The following GORASP1 variants were observed in gnomAD, a reference collection of about 807,000 sequenced individuals.
GORASP1 encodes golgi reassembly stacking protein 1, also known as Golgi reassembly-stacking protein 1.
GORASP1 carries 31 observed loss-of-function variants against 37.7 expected under a neutral mutation model. The observed-to-expected ratio is 0.82, with a 90% CI of 0.62 to 1.11. The LOEUF is 1.11. GORASP1 is among the 50% of genes least tolerant of loss of function. The probability of loss-of-function intolerance (pLI) is 0.00; values close to 1 mark genes in which losing one functional copy is unlikely to be tolerated. For synonymous variants in GORASP1, 204 were observed against 224.8 expected (o/e 0.91, Z 0.83); for missense variants, 476 against 560.7 (o/e 0.85, Z 1.53).
Position 39,100,983 on chromosome 3 carries a change from G to A in GORASP1, c.435+33C>T. The A allele has an allele frequency of 6.2e-7, 1 of 1,613,640 alleles. No homozygotes were observed. Among genetic ancestry groups the A allele is most frequent in the Non-Finnish European group, 8.5e-7 (1 of 1,179,508 alleles). On this transcript the variant is annotated intron_variant, in intron 4 of 8. Coordinates refer to ENST00000319283, the MANE Select transcript of GORASP1 (RefSeq NM_031899.4). The surrounding 1 kb of genome is among the most constrained non-coding windows in gnomAD (Gnocchi z 4.6). ...CCTTCTCTTCACACCACATCCAGAG[G>A]GTCTGGGGAGGGGCAAATTGCGGGT...
At chr3:39,101,263 C>G (rs1016376587) in intron 3 of GORASP1, 161 bp from the exon 4 acceptor site, 1 of 661,682 alleles carries the variant, frequency 1.5e-6, no homozygotes, top group African/African-American at 1.8e-5. Flanking sequence ...CCCCTCCATT[C>G]CCCTATCTCC....
At position 39,101,073 on chromosome 3, in the gene GORASP1, A is replaced by C. The variant is rs760142592; in HGVS notation, c.378T>G (p.Leu126=). 1 of 1,614,138 alleles carries C rather than the reference A, an allele frequency of 6.2e-7. No homozygotes were observed. Among genetic ancestry groups the C allele is most frequent in the Non-Finnish European group, 8.5e-7 (1 of 1,179,978 alleles). ...AGTCTGTGTAGGGGCGCAGGCCGGC[A>C]AGGGCAGCAGGTGAAGATGGTTCCA... ...LDVEPSSPAA[L]AGLRPYTDYV... The change falls in exon 4 of 9, where the codon CTT becomes CTG. Residue 126 remains leucine (L), a synonymous_variant. Coordinates refer to ENST00000319283, the MANE Select transcript of GORASP1 (RefSeq NM_031899.4).
In GORASP1 at chr3:39,100,268, T is replaced by C. The variant is rs1559642924; in HGVS notation, c.765+37A>G. 8.2e-6 allele frequency: 13 copies of C among 1,594,748 alleles called. No individual in the cohort carries two copies. The highest frequency in any genetic ancestry group is 9.5e-6 in the Non-Finnish European group (11 of 1,162,618). Reference sequence around the variant, plus strand: ...GCTCCCCAAGGGCAGCCTCTAGAGTTTTCTGTCTTCCCAGTTGGCAGATTC... The same window carrying C: ...GCTCCCCAAGGGCAGCCTCTAGAGTCTTCTGTCTTCCCAGTTGGCAGATTC... On this transcript the variant is annotated intron_variant, in intron 6 of 8. Transcript: ENST00000319283. This position sits in a 1 kb window ranked among gnomAD's most constrained non-coding sequence, Gnocchi z 4.6.
In GORASP1 at chr3:39,100,897, C is replaced by T; in HGVS notation, c.436-20G>A. 1 of 1,614,142 alleles carries T rather than the reference C, an allele frequency of 6.2e-7. No homozygotes were observed. Among genetic ancestry groups the T allele is most frequent in the South Asian group, 1.1e-5 (1 of 91,088 alleles). ...CTCGGACTGTGAGAAACGCATAGCACCTGAGGCCTGCTTCCAGGGCTAAAG... is the reference window on the plus strand; with the variant it reads ...CTCGGACTGTGAGAAACGCATAGCATCTGAGGCCTGCTTCCAGGGCTAAAG... On this transcript the variant is annotated intron_variant, in intron 4 of 8. Coordinates refer to ENST00000319283, the MANE Select transcript of GORASP1 (RefSeq NM_031899.4). This position sits in a 1 kb window ranked among gnomAD's most constrained non-coding sequence, Gnocchi z 4.6.
chr3:39,102,891 C>T lies in GORASP1; in HGVS notation c.145-10G>A, dbSNP rs2035810406. On this transcript the variant is annotated splice_polypyrimidine_tract_variant and intron_variant, in intron 2 of 8. Coordinates refer to ENST00000319283, the MANE Select transcript of GORASP1 (RefSeq NM_031899.4). This position sits in a 1 kb window ranked among gnomAD's most constrained non-coding sequence, Gnocchi z 5.0. The stretch of plus-strand genomic sequence containing the variant: ...TGTCATTCTCCTTGTTCTGTGGGGG[C>T]AATGGGGCTGACTCCAAGGCCACCT... The T allele has an allele frequency of 6.2e-7, 1 of 1,613,910 alleles. No individual in the cohort carries two copies. The highest frequency in any genetic ancestry group is 8.5e-7 in the Non-Finnish European group (1 of 1,179,770).
rs1355941411 is a variant in GORASP1 at position 39,105,753 on chromosome 3, A to C, written c.63+1726T>G. On this transcript the variant is annotated intron_variant, in intron 1 of 8. Coordinates refer to ENST00000319283, the MANE Select transcript of GORASP1 (RefSeq NM_031899.4). This position sits in a 1 kb window ranked among gnomAD's most constrained non-coding sequence, Gnocchi z 5.4. ...AAACCTCCTGATGGTTTTACATCTC[A>C]GAATAAAATCTTAAATCTTCAGGAC... Among the ~76,000 whole-genome samples the C allele has an allele frequency of 6.6e-6, 1 of 152,200 alleles. No homozygotes were observed. Among genetic ancestry groups the C allele is most frequent in the Non-Finnish European group, 1.5e-5 (1 of 68,040 alleles).
chr3:39,098,592 G>A lies in GORASP1; in HGVS notation c.1070-103C>T. On this transcript the variant is annotated intron_variant, in intron 8 of 8. Transcript: ENST00000319283. This position sits in a 1 kb window ranked among gnomAD's most constrained non-coding sequence, Gnocchi z 4.7. ...CGCTCCCCATTGCCACTCCAGGTTT[G>A]ATGGGGGATTGGAGATGGAGTGTAC... The A allele has an allele frequency of 6.6e-7, 1 of 1,505,464 alleles. No individual in the cohort carries two copies. 93.3% of individuals were successfully genotyped at this position (1,505,464 alleles called of 1,614,324 possible).
Position 39,102,731 on chromosome 3 carries a change from T to C in GORASP1, c.295A>G (p.Ser99Gly). 1 of 1,614,214 alleles carries C rather than the reference T, an allele frequency of 6.2e-7. No homozygotes were observed. The highest frequency in any genetic ancestry group is 8.5e-7 in the Non-Finnish European group (1 of 1,180,038). Residue 99 changes from serine (S) to glycine (G), a missense_variant, in exon 3 of 9, where the codon AGT (serine) becomes GGT (glycine). Transcript: ENST00000319283. This position sits in a 1 kb window ranked among gnomAD's most constrained non-coding sequence, Gnocchi z 5.0. ...CTGCGGAAGCTGCAGAAGCGCACAC[T>C]GGCACCCAGTAGGCCCTGGCCGCCC... The part of the protein sequence containing the change: ...MWGGQGLLGA[S>G]VRFCSFRRAS...
intron 1 of GORASP1, among the ~76,000 whole-genome samples, chr3:39,104,847 C>A (rs149873085): frequency 1.3e-5 from 2 of 152,344 alleles, no homozygotes; most frequent in African/African-American, 2.4e-5. Context: ...TGCTCCCAGG[C>A]CCCGCTGCAG....
At chr3:39,104,562 G>A (rs1182762261) in intron 1 of GORASP1, among the ~76,000 whole-genome samples, 2 of 152,212 alleles carry the variant, frequency 1.3e-5, no homozygotes, top group African/African-American at 4.8e-5. Flanking sequence ...CTAGGCTCTT[G>A]CTGCCTCCTC....
In GORASP1 at chr3:39,098,948, C is replaced by G; in HGVS notation, c.917-55G>C. The stretch of plus-strand genomic sequence containing the variant: ...GCAAGAAACCCTGACTGCTGGAAAG[C>G]AGCACCCTGGGCTCACCTTGCCTAG... On this transcript the variant is annotated intron_variant, in intron 7 of 8. Coordinates refer to ENST00000319283, the MANE Select transcript of GORASP1 (RefSeq NM_031899.4). This position sits in a 1 kb window ranked among gnomAD's most constrained non-coding sequence, Gnocchi z 4.7. The G allele has an allele frequency of 1.9e-6, 3 of 1,604,292 alleles. No homozygotes were observed. The highest frequency in any genetic ancestry group is 2.6e-6 in the Non-Finnish European group (3 of 1,175,130).
In GORASP1 at chr3:39,098,630, G is replaced by C. The variant is rs756692323; in HGVS notation, c.1069+111C>G. On this transcript the variant is annotated intron_variant, in intron 8 of 8. Transcript: ENST00000319283. This position sits in a 1 kb window ranked among gnomAD's most constrained non-coding sequence, Gnocchi z 4.7. ...AGATGGAGTGTACAAATGCCTTGGT[G>C]TGGCTGTATCAACCCGATGGCCCAC... The C allele has an allele frequency of 3.3e-5, 49 of 1,505,588 alleles. No homozygotes were observed. The highest frequency in any genetic ancestry group is 4.3e-5 in the Non-Finnish European group (48 of 1,112,008). The allele number at this position is 1,505,588 out of a possible 1,614,324, so 93.3% of individuals were successfully genotyped here.
At chr3:39,107,422 C>T (rs1250829815) in intron 1 of GORASP1, 57 bp downstream of exon 1, 1 of 1,161,904 alleles carries the variant, frequency 8.6e-7, no homozygotes. Flanking sequence ...ACCGGACGCC[C>T]GGGCGCGGGG....
Position 39,103,661 on chromosome 3 carries a change from A to C in GORASP1, c.64-108T>G, listed in dbSNP as rs190517749. The C allele has an allele frequency of 1.1e-5, 8 of 756,652 alleles. No individual in the cohort carries two copies. The Admixed American group carries it at 2.1e-4, about 20-fold the overall frequency. The allele number at this position is 756,652 out of a possible 1,614,324, so 46.9% of individuals were successfully genotyped here. A position where few individuals can be genotyped will look rare whatever the true frequency, so the allele number is the denominator to read the frequency against. On this transcript the variant is annotated intron_variant, in intron 1 of 8. Coordinates refer to ENST00000319283, the MANE Select transcript of GORASP1 (RefSeq NM_031899.4). This position sits in a 1 kb window ranked among gnomAD's most constrained non-coding sequence, Gnocchi z 5.2. ...GCACTCCCAGTGTGCCAGCCAGAAC[A>C]CATGTCTGGCATGAACTGTTCCGGA...
Position 39,100,461 on chromosome 3 carries a change from T to TGGGATCCGGTGTAGATACCCATAG in GORASP1, c.585_608dup (p.Tyr196_Pro203dup), listed in dbSNP as rs1382424915. ...TCTTGTGGTAGCTGGGGGGCTGAGT[T>TGGGATCCGGTGTAGATACCCATAG]GGGATCCGGTGTAGATACCCATAGC... On this transcript the variant is annotated inframe_insertion, in exon 6 of 9. Transcript: ENST00000319283. The surrounding 1 kb of genome is among the most constrained non-coding windows in gnomAD (Gnocchi z 4.6). The TGGGATCCGGTGTAGATACCCATAG allele has an allele frequency of 6.2e-7, 1 of 1,602,224 alleles. No homozygotes were observed. The highest frequency in any genetic ancestry group is 8.5e-7 in the Non-Finnish European group (1 of 1,174,258).
intron 3 of GORASP1, 88 bp from the exon 4 acceptor site, chr3:39,101,190 A>G: frequency 8.9e-7 from 1 of 1,127,680 alleles, no homozygotes; most frequent in East Asian, 2.5e-5. Flanking sequence ...CTCTTGAGGT[A>G]GTGAGTGGGA....
chr3:39,103,473 CAGCCTCG>C lies in GORASP1; in HGVS notation c.137_143del (p.Ser46Ter), dbSNP rs991657867. 3 of 1,611,178 alleles carry C rather than the reference CAGCCTCG, an allele frequency of 1.9e-6. No homozygotes were observed. On this transcript the variant is annotated frameshift_variant and splice_region_variant, in exon 2 of 9. Transcript: ENST00000319283. LOFTEE classifies it high-confidence loss of function. This position sits in a 1 kb window ranked among gnomAD's most constrained non-coding sequence, Gnocchi z 5.2. Reference sequence around the variant, plus strand: ...AGCAGAGGCAGGTTGGGGAACTCACCAGCCTCGAGTGCCCAATGGTGATGATGAAGTC... The same window carrying C: ...AGCAGAGGCAGGTTGGGGAACTCACCAGTGCCCAATGGTGATGATGAAGTC...
rs1039297740 is a variant in GORASP1 at position 39,106,826 on chromosome 3, C to G, written c.63+653G>C. 1.5e-5 allele frequency: 4 copies of G among 275,498 alleles called. No individual in the cohort carries two copies. In the Admixed American group the frequency reaches 1.9e-4, roughly 13 times the overall value. 17.1% of individuals were successfully genotyped at this position (275,498 alleles called of 1,614,324 possible). On this transcript the variant is annotated intron_variant, in intron 1 of 8. Transcript: ENST00000319283. ...CCACTCCGTCTCCACTCTCCGGAAG[C>G]CTGCTCGCCCAGACCTCCATGTAGC...
Position 39,099,067 on chromosome 3 carries a change from G to A in GORASP1, c.917-174C>T, listed in dbSNP as rs535769191. ...AGAGGTTCCCACACTGCCTGTTTCTGAGGAAAGAAAGGGGCCTGGAGTTGG... is the reference window on the plus strand; with the variant it reads ...AGAGGTTCCCACACTGCCTGTTTCTAAGGAAAGAAAGGGGCCTGGAGTTGG... On this transcript the variant is annotated intron_variant, in intron 7 of 8. Coordinates refer to ENST00000319283, the MANE Select transcript of GORASP1 (RefSeq NM_031899.4). 8.0e-5 allele frequency: 71 copies of A among 892,866 alleles called. No individual in the cohort carries two copies. In the African/African-American group the frequency reaches 1.1e-3, roughly 14 times the overall value. 55.3% of individuals were successfully genotyped at this position (892,866 alleles called of 1,614,324 possible). A position where few individuals can be genotyped will look rare whatever the true frequency, so the allele number is the denominator to read the frequency against.
Sources: gnomAD v4.1 joint callset for allele counts (sites outside exome capture counted in the v4.1 genomes callset) on GRCh38, gnomAD v4.1.1 for gene constraint, Gnocchi (gnomAD v3.1) non-coding constraint, MANE v1.5 for transcripts, NCBI Gene and HGNC (gene_info 2026-07-23, HGNC 2026-07-21) for gene names.